Variants in RARB observed in about 807,000 individuals in gnomAD.
RARB encodes the protein retinoic acid receptor beta, also known as HBV-activated protein.
Under a neutral mutation model 51.9 loss-of-function variants are expected in RARB, and 17 were observed. The ratio of observed to expected loss-of-function variants is 0.33; its 90% CI spans 0.22 to 0.49. RARB has a LOEUF of 0.49. RARB is among the 20% of genes least tolerant of loss of function. The pLI, the probability that RARB is intolerant of heterozygous loss-of-function variation, is 0.99. For synonymous variants in RARB, 215 were observed against 195.4 expected, an observed-to-expected ratio of 1.10 and a Z score of -0.84; for missense variants, 369 against 550.8, an observed-to-expected ratio of 0.67 and a Z score of 3.30.
At chr3:25,581,000 C>G (rs1701150885) in intron 5 of RARB, among the ~76,000 whole-genome samples, 1 of 152,088 alleles carries the variant, frequency 6.6e-6, no homozygotes, top group Admixed American at 6.5e-5. Flanking sequence ...TCTAAGTTTA[C>G]CCCAGACCCC....
chr3:25,163,060 G>A (rs1389352749), intron 4 of RARB, among the ~76,000 whole-genome samples: 1 of 152,208 alleles, frequency 6.6e-6, no homozygotes, highest in African/African-American at 2.4e-5. Context: ...GCATTTCAAT[G>A]TCTGCATATC....
intron 5 of RARB, among the ~76,000 whole-genome samples, chr3:25,256,239 G>A (rs921874154): frequency 2.6e-5 from 4 of 152,050 alleles, no homozygotes; most frequent in Admixed American, 6.6e-5. Flanking sequence ...GAAAAGATAC[G>A]GCCCCTTCCT....
chr3:25,575,138 A>G (rs75767585), intron 4 of RARB, among the ~76,000 whole-genome samples: 6,878 of 152,226 alleles, frequency 0.045, 205 homozygotes, highest in Non-Finnish European at 0.068. Context: ...GAAACTCATG[A>G]AGGACAACTT....
chr3:25,152,339 T>A (rs1028160637), intron 4 of RARB, among the ~76,000 whole-genome samples: 4 of 152,214 alleles, frequency 2.6e-5, no homozygotes, highest in African/African-American at 9.6e-5. Context: ...GACATATTTT[T>A]AAGTTGGCAC....
intron 2 of RARB, among the ~76,000 whole-genome samples, chr3:24,970,512 A>G (rs911291125): frequency 8.7e-4 from 132 of 151,934 alleles, no homozygotes; most frequent in African/African-American, 3.1e-3. Context: ...TTTAAATATC[A>G]AAGACCGGAA....
At chr3:25,462,752 T>C (rs1298729714) in intron 2 of RARB, among the ~76,000 whole-genome samples, 3 of 152,214 alleles carry the variant, frequency 2.0e-5, no homozygotes, top group Non-Finnish European at 4.4e-5. Flanking sequence ...GCTAGTTGGC[T>C]CTGCTTCTAG....
At chr3:25,232,556 T>C (rs1702204041) in intron 5 of RARB, among the ~76,000 whole-genome samples, 1 of 152,184 alleles carries the variant, frequency 6.6e-6, no homozygotes, top group Non-Finnish European at 1.5e-5. Flanking sequence ...GCCAACGTTT[T>C]GTCATTTTCA....
intron 3 of RARB, among the ~76,000 whole-genome samples, chr3:25,548,532 A>G: frequency 6.7e-6 from 1 of 149,368 alleles, no homozygotes; most frequent in East Asian, 2.0e-4. Flanking sequence ...AGACAAACCC[A>G]TTTCTTTAAA....
chr3:25,536,129 A>C (rs1699131760), intron 3 of RARB, among the ~76,000 whole-genome samples: 1 of 152,222 alleles, frequency 6.6e-6, no homozygotes, highest in Non-Finnish European at 1.5e-5. Flanking sequence ...ATATCTCACC[A>C]TTCAAAACAT....
At chr3:24,881,646 C>A (rs181466887) in intron 2 of RARB, among the ~76,000 whole-genome samples, 1 of 152,088 alleles carries the variant, frequency 6.6e-6, no homozygotes, top group Non-Finnish European at 1.5e-5. Flanking sequence ...TTAAAAGTTA[C>A]TGGAATCCAG....
chr3:25,029,883 T>C (rs1351954377), intron 2 of RARB, among the ~76,000 whole-genome samples: 1 of 152,204 alleles, frequency 6.6e-6, no homozygotes, highest in East Asian at 1.9e-4. Flanking sequence ...CATAGAACAC[T>C]GGGCCCAAGA....
chr3:25,494,016 A>G (rs774368550), intron 2 of RARB, among the ~76,000 whole-genome samples: 4 of 152,220 alleles, frequency 2.6e-5, no homozygotes, highest in Non-Finnish European at 5.9e-5. Context: ...CCTAGACCCA[A>G]GGGCAGGCTC....
chr3:25,091,062 C>T (rs115524965), intron 3 of RARB, among the ~76,000 whole-genome samples: 2,119 of 152,244 alleles, frequency 0.014, 53 homozygotes, highest in African/African-American at 0.047. Flanking sequence ...ATCACTGTCC[C>T]TGGCAGTAGC....
At chr3:25,399,170 C>T (rs1022805348) in intron 5 of RARB, among the ~76,000 whole-genome samples, 4 of 152,192 alleles carry the variant, frequency 2.6e-5, no homozygotes, top group Non-Finnish European at 5.9e-5. Flanking sequence ...CACTATGATG[C>T]TTTACTGAGA....
chr3:25,019,112 A>G (rs935490203), intron 2 of RARB, among the ~76,000 whole-genome samples: 2 of 152,212 alleles, frequency 1.3e-5, no homozygotes, highest in Admixed American at 6.5e-5. Flanking sequence ...TCACCTTTTC[A>G]TTATAGCCAT....
At chr3:25,385,639 T>C (rs1468568928) in intron 5 of RARB, among the ~76,000 whole-genome samples, 1 of 151,404 alleles carries the variant, frequency 6.6e-6, no homozygotes, top group Admixed American at 6.6e-5. Context: ...TGCAATTGCA[T>C]TTAAAATATA....
chr3:24,875,446 T>A (rs547054604), intron 2 of RARB, among the ~76,000 whole-genome samples: 1 of 152,254 alleles, frequency 6.6e-6, no homozygotes, highest in East Asian at 1.9e-4. Context: ...GCCTCAATTA[T>A]TTTGTCTGTA....
intron 3 of RARB, among the ~76,000 whole-genome samples, chr3:25,524,860 G>A (rs1274902730): frequency 1.3e-5 from 2 of 151,976 alleles, no homozygotes; most frequent in Non-Finnish European, 2.9e-5. Context: ...CTCCTGAGTA[G>A]CTGAGATTAC....
At chr3:24,867,049 A>T (rs1377927596) in intron 2 of RARB, among the ~76,000 whole-genome samples, 1 of 152,118 alleles carries the variant, frequency 6.6e-6, no homozygotes, top group African/African-American at 2.4e-5. Context: ...GTGAAAAGGC[A>T]TCTCAAAAGG....
Sources: allele counts gnomAD v4.1 joint callset (sites outside exome capture counted in the v4.1 genomes callset), GRCh38; gene constraint gnomAD v4.1.1; transcripts MANE v1.5; gene names NCBI Gene and HGNC (gene_info 2026-07-23, HGNC 2026-07-21).